The following KIF23 variants were observed in gnomAD, a reference collection of about 807,000 sequenced individuals.
KIF23 encodes the protein kinesin family member 23, also known as kinesin-like protein KIF23.
Under a neutral mutation model 137.5 loss-of-function variants are expected in KIF23, and 30 were observed. The observed-to-expected ratio is 0.22, with a 90% CI of 0.16 to 0.30. The LOEUF (loss-of-function observed/expected upper bound fraction) is 0.30. Ranked by LOEUF, KIF23 falls within the 10% of genes least tolerant of loss-of-function variation. The pLI is 1.00. For missense variants in KIF23, 920 were observed against 1,194.3 expected (o/e 0.77, Z 3.38); for synonymous variants, 367 against 391.1 (o/e 0.94, Z 0.73).
chr15:69,443,322 T>G (rs2057666245), intron 19 of KIF23, among the ~76,000 whole-genome samples: 2 of 147,726 alleles, frequency 1.4e-5, no homozygotes, highest in African/African-American at 5.0e-5. Context: ...GTTTTGTTTT[T>G]TGGGTTTTTT....
intron 19 of KIF23, among the ~76,000 whole-genome samples, chr15:69,441,860 C>T (rs1212100129): frequency 6.6e-6 from 1 of 151,862 alleles, no homozygotes; most frequent in African/African-American, 2.4e-5. Flanking sequence ...CCTCAGTCTT[C>T]CTGAGCTGAA....
chr15:69,420,133 A>G lies in KIF23; in HGVS notation c.211-1514A>G, dbSNP rs1441794012. Among the ~76,000 whole-genome samples, 5 of 152,100 alleles carry G rather than the reference A, an allele frequency of 3.3e-5. No individual in the cohort carries two copies. The South Asian group carries it at 1.0e-3, about 32-fold the overall frequency. On this transcript the variant is annotated intron_variant, in intron 3 of 23. Transcript: ENST00000679126. ...TACAAAAATTACCCAGCGTGGAGGC[A>G]TGCGCCTGTAATCACAGCTACTCGG...
chr15:69,423,338 TA>T lies in KIF23; in HGVS notation c.734+12del. The stretch of plus-strand genomic sequence containing the variant: ...GATCCCATAAAACCCAAGTAAGTAA[TA>T]AAGAGAGCCCCTTCTTAGCTGTTAA... On this transcript the variant is annotated intron_variant, in intron 7 of 23. Transcript: ENST00000679126. 3 of 1,528,560 alleles carry T rather than the reference TA, an allele frequency of 2.0e-6. No homozygotes were observed. Among genetic ancestry groups the T allele is most frequent in the Non-Finnish European group, 2.6e-6 (3 of 1,140,844 alleles). 94.7% of individuals were successfully genotyped at this position (1,528,560 alleles called of 1,614,324 possible).
chr15:69,429,002 T>C (rs866656423), intron 10 of KIF23, 109 bp from the exon 11 acceptor site: 1 of 677,628 alleles, frequency 1.5e-6, no homozygotes, highest in Middle Eastern at 2.5e-4. Context: ...GTGCATTTTG[T>C]ACTGTGCAAA....
chr15:69,415,133 A>T (rs2056866342), intron 1 of KIF23: 1 of 152,196 alleles, frequency 6.6e-6, no homozygotes. Context: ...TGTCGTGCAA[A>T]GGAGAGGATT....
chr15:69,426,224 A>G (rs1287771189), intron 9 of KIF23, 42 bp downstream of exon 9: 4 of 1,589,472 alleles, frequency 2.5e-6, no homozygotes, highest in Non-Finnish European at 3.4e-6. Flanking sequence ...AATGATGAAT[A>G]TCACCTAGAG....
intron 10 of KIF23, among the ~76,000 whole-genome samples, chr15:69,428,820 G>A (rs2057279141): frequency 6.6e-6 from 1 of 152,096 alleles, no homozygotes; most frequent in African/African-American, 2.4e-5. Flanking sequence ...TAGGCACTGT[G>A]CAGCATGCTG....
At chr15:69,447,070 G>T in intron 23 of KIF23, 129 bp downstream of exon 23, 1 of 851,846 alleles carries the variant, frequency 1.2e-6, no homozygotes, top group Non-Finnish European at 1.9e-6. Flanking sequence ...TTTCCCCTTG[G>T]ACTATCTGGG....
At chr15:69,429,899 T>A (rs1319170502) in intron 11 of KIF23, among the ~76,000 whole-genome samples, 1 of 151,980 alleles carries the variant, frequency 6.6e-6, no homozygotes, top group Non-Finnish European at 1.5e-5. Context: ...CGTCTATAGT[T>A]CCAAGGTACT....
chr15:69,446,256 T>G, intron 21 of KIF23, 27 bp from the exon 22 acceptor site: 1 of 1,597,442 alleles, frequency 6.3e-7, no homozygotes, highest in South Asian at 1.1e-5. Context: ...GAAAAATAAT[T>G]GTTGCATCAT....
chr15:69,444,965 T>C lies in KIF23; in HGVS notation c.2597T>C (p.Leu866Pro). 6.2e-7 allele frequency: 1 copy of C among 1,614,170 alleles called. No homozygotes were observed. The highest frequency in any genetic ancestry group is 8.5e-7 in the Non-Finnish European group (1 of 1,180,016). ...GTATCTGTTGCAAATGAAAAGGCAC[T>C]AGCTAAGTGTGAGAAGTACATGCTG... Reference protein sequence around the residue: ...ITVSVANEKALAKCEKYMLTH... With the variant: ...ITVSVANEKAPAKCEKYMLTH... The change falls in exon 20 of 24, where the codon CTA becomes CCA. Residue 866 changes from leucine (L) to proline (P), a missense_variant. Coordinates refer to ENST00000679126, the MANE Select transcript of KIF23 (RefSeq NM_001367805.3). This position sits in a 1 kb window ranked among gnomAD's most constrained non-coding sequence, Gnocchi z 4.2.
intron 2 of KIF23, 34 bp downstream of exon 2, chr15:69,416,097 T>C: frequency 1.8e-5 from 25 of 1,386,916 alleles, no homozygotes; most frequent in Non-Finnish European, 2.4e-5. Context: ...GTGTGGTGTT[T>C]AAGAAACTTA....
chr15:69,445,077 T>C, intron 20 of KIF23, 36 bp downstream of exon 20: 4 of 1,569,374 alleles, frequency 2.5e-6, no homozygotes, highest in Non-Finnish European at 3.5e-6. Flanking sequence ...AAAAAATATA[T>C]TTAAAAATTC....
chr15:69,418,030 A>G (rs1425074213), intron 3 of KIF23, among the ~76,000 whole-genome samples: 6 of 152,250 alleles, frequency 3.9e-5, no homozygotes, highest in Non-Finnish European at 8.8e-5. Flanking sequence ...TTTATAACTT[A>G]AGATATATGG....
chr15:69,434,682 T>C, intron 11 of KIF23: 1 of 1,481,958 alleles, frequency 6.7e-7, no homozygotes, highest in East Asian at 2.3e-5. Flanking sequence ...GAGTTCGCCG[T>C]TGACCTTGAG....
In KIF23 at chr15:69,421,771, A is replaced by G; in HGVS notation, c.316+19A>G. The G allele has an allele frequency of 6.5e-7, 1 of 1,538,226 alleles. No individual in the cohort carries two copies. The highest frequency in any genetic ancestry group is 8.9e-7 in the Non-Finnish European group (1 of 1,120,820). ...AAAAATGGTATGATATGACTCTTGGAGTTTTGTTAGATTTTCCTTTTTCTC... is the reference window on the plus strand; with the variant it reads ...AAAAATGGTATGATATGACTCTTGGGGTTTTGTTAGATTTTCCTTTTTCTC... On this transcript the variant is annotated intron_variant, in intron 4 of 23. Coordinates refer to ENST00000679126, the MANE Select transcript of KIF23 (RefSeq NM_001367805.3).
chr15:69,442,981 G>C (rs2057657568), intron 19 of KIF23, among the ~76,000 whole-genome samples: 1 of 152,144 alleles, frequency 6.6e-6, no homozygotes, highest in Admixed American at 6.5e-5. Context: ...TTTCTGAAGT[G>C]TGTTTCATCA....
rs1167303924 is a variant in KIF23 at position 69,436,000 on chromosome 15, G to C, written c.1315-138G>C. ...TGGGAGGTCGAAGCTGCAGTGAGTC[G>C]TGTTCATGCCACTGCACTCCAGCCT... On this transcript the variant is annotated intron_variant, in intron 13 of 23. Transcript: ENST00000679126. 11 of 1,223,344 alleles carry C rather than the reference G, an allele frequency of 9.0e-6. No homozygotes were observed. The East Asian group carries it at 2.8e-4, about 31-fold the overall frequency. 75.8% of individuals were successfully genotyped at this position (1,223,344 alleles called of 1,614,324 possible). A position where few individuals can be genotyped will look rare whatever the true frequency, so the allele number is the denominator to read the frequency against.
At chr15:69,439,781 G>C (rs2057569773) in intron 16 of KIF23, 123 bp from the exon 17 acceptor site, 3 of 602,710 alleles carry the variant, frequency 5.0e-6, no homozygotes, top group Admixed American at 3.8e-5. Context: ...AGAGAAAAAA[G>C]TGCTTTCTCC....
Sources: allele counts gnomAD v4.1 joint callset (sites outside exome capture counted in the v4.1 genomes callset), GRCh38; gene constraint gnomAD v4.1.1; non-coding constraint Gnocchi (gnomAD v3.1); transcripts MANE v1.5; gene names NCBI Gene and HGNC (gene_info 2026-07-23, HGNC 2026-07-21).